Variants in COCH observed in about 807,000 individuals in gnomAD.
The protein encoded by COCH is cochlin, also known as coagulation factor C homolog, cochlin (Limulus polyphemus).
A neutral mutation model predicts 54.8 loss-of-function variants in COCH; 40 were observed. The observed-to-expected ratio is 0.73, with a 90% CI of 0.57 to 0.95. The LOEUF (loss-of-function observed/expected upper bound fraction) is 0.95, where lower values mean the gene tolerates loss of function less well. COCH is among the 40% of genes least tolerant of loss of function. COCH has a pLI of 0.00. For missense variants in COCH, 605 were observed against 675.0 expected, an observed-to-expected ratio of 0.90 and a Z score of 1.15; for synonymous variants, 256 against 237.9, an observed-to-expected ratio of 1.08 and a Z score of -0.70.
Position 30,889,713 on chromosome 14 carries a change from A to G in COCH, c.1575A>G (p.Arg525=), listed in dbSNP as rs1176302709. 2 of 1,614,120 alleles carry G rather than the reference A, an allele frequency of 1.2e-6. No homozygotes were observed. Among genetic ancestry groups the G allele is most frequent in the South Asian group, 1.1e-5 (1 of 91,082 alleles). ...AGGAGTCTCATGCTTTCTTCACAAG[A>G]GAGTTCACAGGATTAGAACCAATTG... ...KPKESHAFFT[R]EFTGLEPIVS... The change falls in exon 12 of 12, where the codon AGA becomes AGG. Residue 525 remains arginine (R), a synonymous_variant. Coordinates refer to ENST00000396618, the MANE Select transcript of COCH (RefSeq NM_004086.3).
chr14:30,874,998 G>A (rs752833959), intron 2 of COCH, 26 bp downstream of exon 2: 14 of 1,612,936 alleles, frequency 8.7e-6, no homozygotes, highest in Admixed American at 6.7e-5. Flanking sequence ...TCACGACCCC[G>A]GCCCCTTGCT....
intron 8 of COCH, among the ~76,000 whole-genome samples, chr14:30,882,249 C>T (rs1225522594): frequency 9.5e-6 from 1 of 105,692 alleles, no homozygotes; most frequent in Non-Finnish European, 2.4e-5. Context: ...CCTGCCTCAG[C>T]CTCCTGAGTA....
intron 9 of COCH, 142 bp downstream of exon 9, chr14:30,884,798 ATC>A (rs1305399394): frequency 7.5e-7 from 1 of 1,328,386 alleles, no homozygotes; most frequent in African/African-American, 1.5e-5. Context: ...GCATTTGATC[ATC>A]TGAGATAAAT....
chr14:30,887,777 C>T (rs370564542), intron 11 of COCH, among the ~76,000 whole-genome samples: 29 of 152,224 alleles, frequency 1.9e-4, no homozygotes, highest in African/African-American at 7.0e-4. Context: ...AAAGATTATT[C>T]TTAAAACAGA....
chr14:30,885,315 G>T, intron 9 of COCH, 79 bp from the exon 10 acceptor site: 1 of 1,246,834 alleles, frequency 8.0e-7, no homozygotes, highest in Non-Finnish European at 1.2e-6. Flanking sequence ...AAACTTTGCA[G>T]CATCAAATGC....
Position 30,885,526 on chromosome 14 carries a change from C to A in COCH, c.866C>A (p.Ala289Asp). The A allele has an allele frequency of 6.2e-7, 1 of 1,612,970 alleles. No homozygotes were observed. Among genetic ancestry groups the A allele is most frequent in the Non-Finnish European group, 8.5e-7 (1 of 1,178,994 alleles). The change falls in exon 10 of 12, where the codon GCC becomes GAC. Residue 289 changes from alanine (A) to aspartate (D), a missense_variant. Transcript: ENST00000396618. ...GACATCGAGGAAGCAGGCATTGTGGCCAGAGAGTTTGGTGTCAATGTATTT... is the reference window on the plus strand; with the variant it reads ...GACATCGAGGAAGCAGGCATTGTGGACAGAGAGTTTGGTGTCAATGTATTT... ...SDDIEEAGIVAREFGVNVFIV... is the reference protein window; with the variant it reads ...SDDIEEAGIVDREFGVNVFIV...
chr14:30,885,335 A>G, intron 9 of COCH, 59 bp from the exon 10 acceptor site: 1 of 1,390,152 alleles, frequency 7.2e-7, no homozygotes, highest in Non-Finnish European at 1.0e-6. Context: ...CTACAGGGAA[A>G]CAGAAATGTG....
chr14:30,885,268 G>T, intron 9 of COCH, 126 bp from the exon 10 acceptor site: 1 of 973,042 alleles, frequency 1.0e-6, no homozygotes, highest in Non-Finnish European at 1.6e-6. Context: ...TCTTTTTTGT[G>T]TGCCCCGCCC....
intron 2 of COCH, 30 bp downstream of exon 2, chr14:30,875,002 C>G (rs756268514): frequency 6.2e-7 from 1 of 1,613,004 alleles, no homozygotes; most frequent in African/African-American, 1.3e-5. Flanking sequence ...GACCCCGGCC[C>G]CTTGCTCCGC....
rs1379919762 is a variant in COCH at position 30,877,648 on chromosome 14, C to A, written c.159C>A (p.Gly53=). Residue 53 remains glycine (G), a synonymous_variant, in exon 4 of 12, where the codon GGC becomes GGA. Transcript: ENST00000396618. The surrounding 1 kb of genome is among the most constrained non-coding windows in gnomAD (Gnocchi z 8.6). ...AAGCAGATGTCCTCTGCCCAGGGGG[C>A]TGCCCTCTTGAGGAATTCTCTGTGT... ...KEKADVLCPG[G]CPLEEFSVYG... 2 of 1,614,228 alleles carry A rather than the reference C, an allele frequency of 1.2e-6. No individual in the cohort carries two copies. Among genetic ancestry groups the A allele is most frequent in the Non-Finnish European group, 1.7e-6 (2 of 1,180,050 alleles).
intron 11 of COCH, among the ~76,000 whole-genome samples, chr14:30,888,691 G>T (rs1006720630): frequency 6.6e-6 from 1 of 151,754 alleles, no homozygotes; most frequent in African/African-American, 2.4e-5. Context: ...GAGGATGGGG[G>T]TGCTGAGGAG....
At chr14:30,885,308 C>A in intron 9 of COCH, 86 bp from the exon 10 acceptor site, 2 of 1,210,294 alleles carry the variant, frequency 1.7e-6, no homozygotes, top group Non-Finnish European at 2.4e-6. Flanking sequence ...AATTCTTAAA[C>A]TTTGCAGCAT....
chr14:30,884,683 T>G (rs917841960), intron 9 of COCH, 27 bp downstream of exon 9: 1 of 1,496,426 alleles, frequency 6.7e-7, no homozygotes, highest in African/African-American at 1.4e-5. Context: ...ACCTGGGATG[T>G]AACATAGGAG....
chr14:30,889,930 A>C lies in COCH; in HGVS notation c.*139A>C. ...TATGTCAACAGCCATTTAGGCAAAT[A>C]AGCACTCCTTTAAAGCCGCTGCCTT... On this transcript the variant is annotated 3_prime_UTR_variant, in exon 12 of 12. Coordinates refer to ENST00000396618, the MANE Select transcript of COCH (RefSeq NM_004086.3). 1 of 1,420,638 alleles carries C rather than the reference A, an allele frequency of 7.0e-7. No homozygotes were observed. The highest frequency in any genetic ancestry group is 9.2e-7 in the Non-Finnish European group (1 of 1,088,740). The allele number at this position is 1,420,638 out of a possible 1,614,324, so 88.0% of individuals were successfully genotyped here. A position where few individuals can be genotyped will look rare whatever the true frequency, so the allele number is the denominator to read the frequency against.
At chr14:30,874,614 CGCGGGT>C in intron 1 of COCH, 23 bp downstream of exon 1, 1 of 507,158 alleles carries the variant, frequency 2.0e-6, no homozygotes. Flanking sequence ...GGGCGGCGGG[CGCGGGT>C]GCGAGGGATC....
At chr14:30,892,843 TTA>T (rs1374852279), downstream of COCH, among the ~76,000 whole-genome samples, 2 of 152,026 alleles carry the variant, frequency 1.3e-5, no homozygotes, top group African/African-American at 4.8e-5. Context: ...TTGAAAAGTT[TTA>T]GATTTTCGTC....
At chr14:30,879,665 A>T (rs139460572) in intron 6 of COCH, among the ~76,000 whole-genome samples, 180 bp downstream of exon 6, 1 of 152,286 alleles carries the variant, frequency 6.6e-6, no homozygotes, top group East Asian at 1.9e-4. Context: ...TATTTTAAAG[A>T]CAGGGTCTCA....
intron 3 of COCH, chr14:30,875,522 C>A (rs1181333840): frequency 1.4e-5 from 7 of 498,056 alleles, no homozygotes; most frequent in Non-Finnish European, 2.4e-5. Flanking sequence ...TTCAGGTTGC[C>A]GTAGCCGAGA....
intron 8 of COCH, among the ~76,000 whole-genome samples, chr14:30,883,202 C>T (rs924754632): frequency 6.6e-6 from 1 of 152,090 alleles, no homozygotes. Context: ...GATTCATATG[C>T]TAATCCTTAC....
Sources: allele counts gnomAD v4.1 joint callset (sites outside exome capture counted in the v4.1 genomes callset), GRCh38; gene constraint gnomAD v4.1.1; non-coding constraint Gnocchi (gnomAD v3.1); transcripts MANE v1.5; gene names NCBI Gene and HGNC (gene_info 2026-07-23, HGNC 2026-07-21).